Variants in P2RY2 observed in about 807,000 individuals in gnomAD.
P2RY2 encodes the protein P2Y purinoceptor 2.
For missense variants in P2RY2, 567 were observed against 515.7 expected (o/e 1.10, Z -0.96); for synonymous variants, 241 against 231.9 (o/e 1.04, Z -0.35).
Position 73,236,786 on chromosome 11 carries a change from G to A in P2RY2, c.*1493G>A, listed in dbSNP as rs1257962514. 11 of 985,304 alleles carry A rather than the reference G, an allele frequency of 1.1e-5. No homozygotes were observed. Among genetic ancestry groups the A allele is most frequent in the Non-Finnish European group, 9.6e-6 (8 of 829,930 alleles). 61.0% of individuals were successfully genotyped at this position (985,304 alleles called of 1,614,324 possible). On this transcript the variant is annotated 3_prime_UTR_variant, in exon 3 of 3. Coordinates refer to ENST00000393597, the MANE Select transcript of P2RY2 (RefSeq NM_002564.4). ...AATGGCAGGGTGGTGCTCAGGCTGG[G>A]TCAGGACTTAGTATGGGGGAGATGG... is the stretch of plus-strand genomic sequence containing the variant.
chr11:73,219,844 C>A (rs1862069036), intron 1 of P2RY2, among the ~76,000 whole-genome samples: 1 of 152,352 alleles, frequency 6.6e-6, no homozygotes, highest in African/African-American at 2.4e-5. Context: ...AGACTTGGGA[C>A]CCAGCTCAGA....
intron 2 of P2RY2, among the ~76,000 whole-genome samples, chr11:73,230,272 AAC>A (rs1160117803): frequency 6.6e-6 from 1 of 151,832 alleles, no homozygotes; most frequent in Non-Finnish European, 1.5e-5. Flanking sequence ...TCCATCAGGG[AAC>A]AGTCTCCAGA....
intron 1 of P2RY2, among the ~76,000 whole-genome samples, chr11:73,223,096 T>C (rs972911343): frequency 1.3e-5 from 2 of 152,144 alleles, no homozygotes; most frequent in Non-Finnish European, 2.9e-5. Context: ...CAACGAGTAA[T>C]AGAATTGAAG....
At chr11:73,226,144 G>A (rs1790078) in intron 1 of P2RY2, among the ~76,000 whole-genome samples, 142,531 of 152,046 alleles carry the variant, frequency 0.94, 67,537 homozygotes, top group East Asian at 1. Context: ...TCACTGGTTG[G>A]ACTAACAGGG....
intron 2 of P2RY2, among the ~76,000 whole-genome samples, chr11:73,228,606 C>A (rs1862354484): frequency 6.6e-6 from 1 of 152,186 alleles, no homozygotes; most frequent in Admixed American, 6.5e-5. Context: ...CCCACTGGCA[C>A]TTCCCTGACC....
At position 73,234,500 on chromosome 11, in the gene P2RY2, A is replaced by T; in HGVS notation, c.341A>T (p.Tyr114Phe). ...VLCKLVRFLF[Y>F]TNLYCSILFL... ...TGCAAGCTGGTGCGCTTCCTCTTCT[A>T]CACCAACCTTTACTGCAGCATCCTC... Residue 114 changes from tyrosine to phenylalanine, a missense_variant, in exon 3 of 3, where the codon TAC (tyrosine) becomes TTC (phenylalanine). Tyr to Phe is a conservative substitution (Grantham distance 22, BLOSUM62 3). Coordinates refer to ENST00000393597, the MANE Select transcript of P2RY2 (RefSeq NM_002564.4). 1 of 1,613,654 alleles carries T rather than the reference A, an allele frequency of 6.2e-7. No homozygotes were observed. Among genetic ancestry groups the T allele is most frequent in the Non-Finnish European group, 8.5e-7 (1 of 1,179,734 alleles).
chr11:73,233,403 G>T (rs1862516390), intron 2 of P2RY2, among the ~76,000 whole-genome samples: 1 of 152,268 alleles, frequency 6.6e-6, no homozygotes, highest in African/African-American at 2.4e-5. Flanking sequence ...AGAGAACTCT[G>T]TAATGCCTGC....
chr11:73,234,750 C>T lies in P2RY2; in HGVS notation c.591C>T (p.Ala197=). The T allele has an allele frequency of 1.2e-6, 2 of 1,611,062 alleles. No individual in the cohort carries two copies. The highest frequency in any genetic ancestry group is 2.2e-5 in the South Asian group (2 of 91,090). The change falls in exon 3 of 3, where the codon GCC becomes GCT. Residue 197 remains alanine (A), a synonymous_variant. Transcript: ENST00000393597. Reference sequence around the variant, plus strand: ...CCGAGCTCTTCAGCCGCTTCGTGGCCTACAGCTCAGTCATGCTGGGCCTGC... The same window carrying T: ...CCGAGCTCTTCAGCCGCTTCGTGGCTTACAGCTCAGTCATGCTGGGCCTGC... ...SAPELFSRFV[A]YSSVMLGLLF... is the part of the protein sequence containing the mutation.
rs1009924372 is a variant in P2RY2, at chr11:73,238,584, G to A, written c.*3291G>A. 1.3e-5 allele frequency among the ~76,000 whole-genome samples: 2 copies of A among 152,310 alleles called. No homozygotes were observed. Among genetic ancestry groups the A allele is most frequent in the South Asian group, 4.1e-4 (2 of 4,830 alleles). On this transcript the variant is annotated 3_prime_UTR_variant, in exon 3 of 3. Coordinates refer to ENST00000393597, the MANE Select transcript of P2RY2 (RefSeq NM_002564.4). Reference sequence around the variant, plus strand: ...ATCAGGCACATGAGGGAGGGAAGTCGTGTATTGACCCATGTCCCACGCACC... The same window carrying A: ...ATCAGGCACATGAGGGAGGGAAGTCATGTATTGACCCATGTCCCACGCACC...
chr11:73,227,721 T>C (rs892540945), intron 1 of P2RY2, among the ~76,000 whole-genome samples: 3 of 151,928 alleles, frequency 2.0e-5, no homozygotes, highest in East Asian at 1.9e-4. Flanking sequence ...GTACAGGACA[T>C]GGGGGAGACC....
rs1862335917 is a variant in P2RY2 at position 73,228,177 on chromosome 11, T to C, written c.-5+2T>C. On this transcript the variant is annotated splice_donor_variant, in intron 2 of 2. Transcript: ENST00000393597. LOFTEE classifies it low-confidence loss of function (5UTR_SPLICE). ...ACCTGGAGAGCAGGGGCTGGTCAGG[T>C]ACGTGGGGTGGGGGTGGGGGGGAGC... The C allele has an allele frequency of 2.5e-5, 1 of 39,800 alleles. No individual in the cohort carries two copies. Among genetic ancestry groups the C allele is most frequent in the Non-Finnish European group, 4.8e-5 (1 of 21,006 alleles). 2.5% of individuals were successfully genotyped at this position (39,800 alleles called of 1,614,324 possible). A position where few individuals can be genotyped will look rare whatever the true frequency, so the allele number is the denominator to read the frequency against.
intron 1 of P2RY2, among the ~76,000 whole-genome samples, chr11:73,227,330 G>A (rs1862307785): frequency 1.3e-5 from 2 of 151,972 alleles, no homozygotes; most frequent in African/African-American, 4.8e-5. Flanking sequence ...GCCATTTTAG[G>A]CCCTGATGGT....
chr11:73,220,919 G>T (rs1862099168), intron 1 of P2RY2, among the ~76,000 whole-genome samples: 1 of 152,176 alleles, frequency 6.6e-6, no homozygotes. Flanking sequence ...CCCCATGAGA[G>T]CTTTGACTTA....
Position 73,241,107 on chromosome 11 carries a change from T to C in P2RY2, c.*5814T>C, listed in dbSNP as rs898456104. The C allele has an allele frequency of 3.9e-5, 6 of 152,130 alleles. No homozygotes were observed. The highest frequency in any genetic ancestry group is 1.4e-4 in the African/African-American group (6 of 41,420). The allele number at this position is 152,130 out of a possible 1,614,324, so 9.4% of individuals were successfully genotyped here. ...CACCATGTGAGGATATAATGAGAAG[T>C]TGGCAGTCTGCAACCTGGAAGAGGT... On this transcript the variant is annotated 3_prime_UTR_variant, in exon 3 of 3. Coordinates refer to ENST00000393597, the MANE Select transcript of P2RY2 (RefSeq NM_002564.4).
Position 73,235,429 on chromosome 11 carries a change from A to G in P2RY2, c.*136A>G. On this transcript the variant is annotated 3_prime_UTR_variant, in exon 3 of 3. Transcript: ENST00000393597. ...ATGACCCCATGCTCCGTCATTTGAC[A>G]GGGGCTCAGGATATTCACTCTGTGG... is the stretch of plus-strand genomic sequence containing the variant. The G allele has an allele frequency of 2.1e-6, 3 of 1,442,222 alleles. No individual in the cohort carries two copies. The highest frequency in any genetic ancestry group is 2.7e-6 in the Non-Finnish European group (3 of 1,097,398). 89.3% of individuals were successfully genotyped at this position (1,442,222 alleles called of 1,614,324 possible). A position where few individuals can be genotyped will look rare whatever the true frequency, so the allele number is the denominator to read the frequency against.
intron 2 of P2RY2, among the ~76,000 whole-genome samples, chr11:73,231,848 G>A (rs1357854886): frequency 1.3e-5 from 2 of 152,010 alleles, no homozygotes; most frequent in Admixed American, 1.3e-4. Flanking sequence ...TCAGGAGTTC[G>A]AGACCAGCCT....
chr11:73,235,132 G>A lies in P2RY2; in HGVS notation c.973G>A (p.Gly325Ser). 16 of 1,609,244 alleles carry A rather than the reference G, an allele frequency of 9.9e-6. No homozygotes were observed. The highest frequency in any genetic ancestry group is 1.4e-5 in the Non-Finnish European group (16 of 1,179,084). ...TGCCCGAGATGCCAAGCCACCCACT[G>A]GCCCCAGCCCTGCCACCCCGGCTCG... ...RFARDAKPPT[G>S]PSPATPARRR... The change falls in exon 3 of 3, where the codon GGC (glycine) becomes AGC (serine). Residue 325 changes from glycine to serine, a missense_variant. Coordinates refer to ENST00000393597, the MANE Select transcript of P2RY2 (RefSeq NM_002564.4).
chr11:73,230,464 G>A (rs568542014), intron 2 of P2RY2, among the ~76,000 whole-genome samples: 13 of 152,074 alleles, frequency 8.5e-5, no homozygotes, highest in Non-Finnish European at 1.6e-4. Flanking sequence ...TAACACCACC[G>A]TGGGCCTACT....
rs1226633403 is a variant in P2RY2 at position 73,237,783 on chromosome 11, C to T, written c.*2490C>T. Among the ~76,000 whole-genome samples the T allele has an allele frequency of 6.6e-6, 1 of 152,212 alleles. No individual in the cohort carries two copies. The highest frequency in any genetic ancestry group is 2.4e-5 in the African/African-American group (1 of 41,446). On this transcript the variant is annotated 3_prime_UTR_variant, in exon 3 of 3. Coordinates refer to ENST00000393597, the MANE Select transcript of P2RY2 (RefSeq NM_002564.4). ...ACCTTGCTGCTCAGTGCCCAGGCCACTTGCCTTGTGGGTGAAGTTCCTGCC... is the reference window on the plus strand; with the variant it reads ...ACCTTGCTGCTCAGTGCCCAGGCCATTTGCCTTGTGGGTGAAGTTCCTGCC...
Sources: gnomAD v4.1 joint callset for allele counts (sites outside exome capture counted in the v4.1 genomes callset) on GRCh38, gnomAD v4.1.1 for gene constraint, MANE v1.5 for transcripts, NCBI Gene and HGNC (gene_info 2026-07-23, HGNC 2026-07-21) for gene names.